HDAC9: variants seen among roughly 807,000 people sequenced by gnomAD.
HDAC9 encodes the protein MEF-2 interacting transcription repressor (MITR) protein.
In HDAC9, 41 loss-of-function variants were observed where a neutral mutation model predicts 139.4. That is an observed-to-expected ratio of 0.29 (90% CI 0.23 to 0.38). HDAC9 has a LOEUF of 0.38. Among genes scored for constraint, HDAC9 ranks in the 10% least tolerant of loss-of-function variants. HDAC9 has a pLI of 1.00. For missense variants in HDAC9, 1,147 were observed against 1,297.0 expected, an observed-to-expected ratio of 0.88 and a Z score of 1.78; for synonymous variants, 517 against 476.2, an observed-to-expected ratio of 1.09 and a Z score of -1.12.
chr7:18,723,971 A>T (rs1344627001), intron 12 of HDAC9, among the ~76,000 whole-genome samples: 7 of 152,302 alleles, frequency 4.6e-5, no homozygotes, highest in African/African-American at 1.7e-4. Flanking sequence ...AGTTATATCC[A>T]GTTTCTGGTT....
chr7:18,230,533 G>T (rs372599496), intron 2 of HDAC9, among the ~76,000 whole-genome samples: 1 of 152,132 alleles, frequency 6.6e-6, no homozygotes, highest in South Asian at 2.1e-4. Flanking sequence ...CACCCGAAAT[G>T]ACCTATTACG....
intron 22 of HDAC9, among the ~76,000 whole-genome samples, chr7:18,908,887 C>T (rs1243009142): frequency 2.6e-5 from 4 of 152,042 alleles, no homozygotes; most frequent in Non-Finnish European, 5.9e-5. Flanking sequence ...GATATTCCCT[C>T]AACACATTGA....
chr7:18,595,247 A>G (rs1275334521), intron 6 of HDAC9, among the ~76,000 whole-genome samples: 2 of 152,080 alleles, frequency 1.3e-5, no homozygotes, highest in African/African-American at 2.4e-5. Flanking sequence ...CTAAAAGATG[A>G]TAAGTATTAT....
chr7:18,161,000 T>C (rs1787590845), intron 1 of HDAC9, among the ~76,000 whole-genome samples: 1 of 152,206 alleles, frequency 6.6e-6, no homozygotes, highest in African/African-American at 2.4e-5. Flanking sequence ...TATCTTTCTG[T>C]AGAGATGTTG....
intron 23 of HDAC9, chr7:18,949,743 G>C (rs375195141): frequency 6.6e-6 from 1 of 152,002 alleles, no homozygotes; most frequent in Non-Finnish European, 1.5e-5. Context: ...TCATGTCCAC[G>C]TCCATCAAAT....
At chr7:18,128,967 T>C (rs1214592530) in intron 1 of HDAC9, among the ~76,000 whole-genome samples, 1 of 152,140 alleles carries the variant, frequency 6.6e-6, no homozygotes, top group African/African-American at 2.4e-5. Context: ...GTGATATAGT[T>C]ACATTGCCTT....
intron 1 of HDAC9, among the ~76,000 whole-genome samples, chr7:18,461,450 T>C (rs1793840767): frequency 6.6e-6 from 1 of 152,178 alleles, no homozygotes; most frequent in Admixed American, 6.5e-5. Flanking sequence ...GCTTAAAAAG[T>C]TTTGGTCATA....
chr7:18,397,063 CA>C (rs1377437695), intron 1 of HDAC9, among the ~76,000 whole-genome samples: 2 of 151,896 alleles, frequency 1.3e-5, no homozygotes, highest in East Asian at 3.9e-4. Context: ...TATCTTTAGG[CA>C]GATACAAAAG....
At chr7:18,607,078 T>A (rs565930984) in intron 6 of HDAC9, among the ~76,000 whole-genome samples, 1 of 152,188 alleles carries the variant, frequency 6.6e-6, no homozygotes, top group East Asian at 1.9e-4. Context: ...TAAAAATTTT[T>A]TATGAAAAAG....
chr7:18,110,375 G>A (rs907968045), intron 1 of HDAC9, among the ~76,000 whole-genome samples: 4 of 152,158 alleles, frequency 2.6e-5, no homozygotes, highest in African/African-American at 9.7e-5. Flanking sequence ...TACAGAGGAG[G>A]GGTCTTCCAT....
intron 23 of HDAC9, among the ~76,000 whole-genome samples, chr7:18,948,592 T>C (rs1782569317): frequency 6.6e-6 from 1 of 152,122 alleles, no homozygotes; most frequent in Admixed American, 6.6e-5. Context: ...TCAAAAAACA[T>C]TTTAATAATG....
intron 2 of HDAC9, 91 bp downstream of exon 2, chr7:18,496,415 A>C: frequency 1.8e-6 from 2 of 1,137,284 alleles, no homozygotes; most frequent in African/African-American, 3.1e-5. Flanking sequence ...TCTTAAGGAA[A>C]TTGCTGCTTT....
At chr7:18,445,738 C>T (rs1429043416) in intron 1 of HDAC9, among the ~76,000 whole-genome samples, 1 of 152,216 alleles carries the variant, frequency 6.6e-6, no homozygotes, top group Non-Finnish European at 1.5e-5. Flanking sequence ...GAAACTTCAG[C>T]TTGCCTGAAT....
intron 1 of HDAC9, among the ~76,000 whole-genome samples, chr7:18,297,741 A>G (rs1004385416): frequency 6.6e-6 from 1 of 152,214 alleles, no homozygotes; most frequent in Admixed American, 6.5e-5. Flanking sequence ...AGTAAATGTC[A>G]GTGCTAGGTA....
At chr7:18,725,907 C>T (rs1229548730) in intron 12 of HDAC9, among the ~76,000 whole-genome samples, 2 of 152,108 alleles carry the variant, frequency 1.3e-5, no homozygotes, top group African/African-American at 4.8e-5. Context: ...GGTCCCTGAC[C>T]AATCCATCCC....
intron 6 of HDAC9, among the ~76,000 whole-genome samples, chr7:18,608,218 A>C (rs1480706305): frequency 6.6e-6 from 1 of 152,126 alleles, no homozygotes; most frequent in African/African-American, 2.4e-5. Context: ...ATTTTCCTTA[A>C]ATTTTCAGCC....
chr7:18,921,352 C>T (rs1803702145), intron 22 of HDAC9, among the ~76,000 whole-genome samples: 1 of 152,062 alleles, frequency 6.6e-6, no homozygotes, highest in South Asian at 2.1e-4. Flanking sequence ...GGGCTAATAT[C>T]CAGAATCTAC....
rs77432204 is a variant in HDAC9, at chr7:18,087,565, C to A, written c.-97+352C>A. 1.9e-3 allele frequency among the ~76,000 whole-genome samples: 292 copies of A among 152,252 alleles called. 1 individual carries two copies. Among genetic ancestry groups the A allele is most frequent in the African/African-American group, 6.7e-3 (278 of 41,538 alleles). ...ATGAATGAAAAGTTTGTACTGGCAA[C>A]GTGTTGCTTGAGGGGAGCAACGCTT... is the stretch of plus-strand genomic sequence containing the variant. On this transcript the variant is annotated intron_variant, in intron 1 of 12. Coordinates refer to the HDAC9 transcript ENST00000417496.
At chr7:18,744,912 A>G (rs1296654319) in intron 13 of HDAC9, among the ~76,000 whole-genome samples, 1 of 152,196 alleles carries the variant, frequency 6.6e-6, no homozygotes, top group African/African-American at 2.4e-5. Context: ...TGTGGAAAAC[A>G]AACAACTGTT....
Sources: allele counts gnomAD v4.1 joint callset (sites outside exome capture counted in the v4.1 genomes callset), GRCh38; gene constraint gnomAD v4.1.1; transcripts MANE v1.5; gene names NCBI Gene and HGNC (gene_info 2026-07-23, HGNC 2026-07-21).